The following FYB2 variants were observed in gnomAD, a reference collection of about 807,000 sequenced individuals.
FYB2 encodes the protein FYN-binding protein 2.
In FYB2, 103 loss-of-function variants were observed where a neutral mutation model predicts 94.1. That is an observed-to-expected ratio of 1.09 (90% CI 0.93 to 1.29). The LOEUF (loss-of-function observed/expected upper bound fraction) is 1.29, where lower values mean the gene tolerates loss of function less well. Among genes scored for constraint, FYB2 ranks in the 50% most tolerant of loss-of-function variants. The probability of loss-of-function intolerance (pLI) is 0.00; values close to 1 mark genes in which losing one functional copy is unlikely to be tolerated. For missense variants in FYB2, 896 were observed against 841.5 expected, an observed-to-expected ratio of 1.06 and a Z score of -0.80; for synonymous variants, 293 against 287.9, an observed-to-expected ratio of 1.02 and a Z score of -0.18.
chr1:56,792,627 G>A lies in FYB2; in HGVS notation c.186C>T (p.Arg62=), dbSNP rs149224198. Residue 62 remains arginine, a synonymous_variant, in exon 2 of 20, where the codon CGC becomes CGT. Transcript: ENST00000343433. ...ACTCACTACTGGAACAGTATGGTGT[G>A]CGCTGCTTGTGGTTGGATGAGAGGG... The part of the protein sequence containing the change: ...GKPLSSNHKQ[R]TPYCSSSESQ... The A allele has an allele frequency of 2.5e-6, 4 of 1,614,066 alleles. No individual in the cohort carries two copies. The highest frequency in any genetic ancestry group is 2.7e-5 in the African/African-American group (2 of 75,012).
chr1:56,765,014 C>A (rs1018400899), intron 5 of FYB2, among the ~76,000 whole-genome samples: 25 of 152,282 alleles, frequency 1.6e-4, no homozygotes, highest in African/African-American at 6.0e-4. Flanking sequence ...TCCTAAATAC[C>A]ATCGCATTGG....
intron 1 of FYB2, among the ~76,000 whole-genome samples, chr1:56,794,174 G>C (rs749394939): frequency 6.6e-6 from 1 of 152,170 alleles, no homozygotes; most frequent in Non-Finnish European, 1.5e-5. Flanking sequence ...TATGAAAATT[G>C]TGGTAGTAAT....
At chr1:56,741,401 A>G (rs1935555) in intron 12 of FYB2, among the ~76,000 whole-genome samples, 56,129 of 151,838 alleles carry the variant, frequency 0.37, 11,090 homozygotes, top group African/African-American at 0.52. Flanking sequence ...GAAAATCCTG[A>G]CTCTTGAAAT....
intron 4 of FYB2, among the ~76,000 whole-genome samples, chr1:56,775,000 T>C (rs1262606622): frequency 6.6e-6 from 1 of 152,118 alleles, no homozygotes; most frequent in Admixed American, 6.5e-5. Context: ...AAGGCTGCAC[T>C]GTCAGCCTTC....
chr1:56,792,516 C>T lies in FYB2; in HGVS notation c.297G>A (p.Lys99=). 3 of 1,614,212 alleles carry T rather than the reference C, an allele frequency of 1.9e-6. No homozygotes were observed. The highest frequency in any genetic ancestry group is 2.5e-6 in the Non-Finnish European group (3 of 1,180,020). The change falls in exon 2 of 20, where the codon AAG becomes AAA. Residue 99 remains lysine (K), a synonymous_variant. Transcript: ENST00000343433. ...AACTTGTTGCAGAACATACAGTAGA[C>T]TTTCCCAGAGGCCCTGGGGAGTTAG... is the stretch of plus-strand genomic sequence containing the variant. The part of the protein sequence containing the change: ...KCSNSPGPLG[K]STVCSATSSQ...
chr1:56,820,034 C>G (rs774490711), upstream of FYB2, among the ~76,000 whole-genome samples: 15 of 152,000 alleles, frequency 9.9e-5, no homozygotes, highest in South Asian at 2.9e-3. Context: ...TTGAGACCAG[C>G]GTGGCCAACA....
At chr1:56,818,508 G>T (rs986531126) in intron 1 of FYB2, among the ~76,000 whole-genome samples, 12 of 132,758 alleles carry the variant, frequency 9.0e-5, no homozygotes, top group African/African-American at 3.4e-4. Flanking sequence ...ACATGCACAC[G>T]CACATCAAAA....
At chr1:56,759,744 T>C (rs886077216) in intron 5 of FYB2, among the ~76,000 whole-genome samples, 1 of 152,082 alleles carries the variant, frequency 6.6e-6, no homozygotes, top group Non-Finnish European at 1.5e-5. Context: ...AATTGACCAA[T>C]TGGTACCTGC....
chr1:56,763,378 TGACTTA>T (rs1481717852), intron 5 of FYB2, among the ~76,000 whole-genome samples: 1 of 152,202 alleles, frequency 6.6e-6, no homozygotes, highest in Non-Finnish European at 1.5e-5. Flanking sequence ...GGAAATCACC[TGACTTA>T]GAGTTCATTT....
At chr1:56,742,111 G>T (rs1437224020) in intron 12 of FYB2, 50 bp downstream of exon 12, 32 of 1,526,036 alleles carry the variant, frequency 2.1e-5, no homozygotes, top group Non-Finnish European at 2.8e-5. Flanking sequence ...GGCTTTACTA[G>T]ACTAACAGGA....
intron 4 of FYB2, among the ~76,000 whole-genome samples, chr1:56,776,772 G>A (rs181145456): frequency 2.0e-5 from 3 of 152,194 alleles, no homozygotes; most frequent in East Asian, 3.9e-4. Flanking sequence ...TACAGCATTC[G>A]ACCTTGATAC....
chr1:56,727,262 T>G (rs2100510759), intron 15 of FYB2, among the ~76,000 whole-genome samples: 1 of 152,186 alleles, frequency 6.6e-6, no homozygotes, highest in African/African-American at 2.4e-5. Context: ...ATAATCATAG[T>G]GGTATGACCA....
chr1:56,819,060 A>G (rs1420294256), intron 1 of FYB2, among the ~76,000 whole-genome samples: 1 of 152,078 alleles, frequency 6.6e-6, no homozygotes, highest in African/African-American at 2.4e-5. Context: ...CTGTCCCCTC[A>G]CACTCCAGGT....
At chr1:56,780,649 TGA>T (rs1645987382) in intron 4 of FYB2, among the ~76,000 whole-genome samples, 1 of 152,094 alleles carries the variant, frequency 6.6e-6, no homozygotes, top group Non-Finnish European at 1.5e-5. Flanking sequence ...AGTTGTAAAA[TGA>T]GAGAGAGGAC....
chr1:56,720,729 A>C (rs1220956780), intron 17 of FYB2: 1 of 157,470 alleles, frequency 6.4e-6, no homozygotes, highest in African/African-American at 2.4e-5. Context: ...TATTAAGCCC[A>C]GCATGCATTA....
chr1:56,728,131 A>G (rs1331053602), intron 15 of FYB2, among the ~76,000 whole-genome samples: 2 of 152,100 alleles, frequency 1.3e-5, no homozygotes, highest in Admixed American at 6.6e-5. Context: ...TCCTGATCAT[A>G]TATGCCTTAT....
At position 56,807,099 on chromosome 1, in the gene FYB2, A is replaced by G. The variant is rs181091613; in HGVS notation, c.9+12183T>C. ...GCCTGCCAGGGAGCTGGAAAAACCG[A>G]CCACAGAGCGTCCTTATTTGAAAGG... On this transcript the variant is annotated intron_variant, in intron 1 of 19. Transcript: ENST00000343433. 9.2e-3 allele frequency among the ~76,000 whole-genome samples: 1,401 copies of G among 152,220 alleles called. 78 individuals are homozygous for G. The highest frequency in any genetic ancestry group is 0.087 in the Admixed American group (1,328 of 15,284).
intron 4 of FYB2, among the ~76,000 whole-genome samples, chr1:56,771,815 A>G (rs982624728): frequency 1.3e-5 from 2 of 152,180 alleles, no homozygotes; most frequent in African/African-American, 2.4e-5. Flanking sequence ...TTAGACAGTG[A>G]AAAAGTTGGA....
At chr1:56,795,986 G>A (rs1314044798) in intron 1 of FYB2, among the ~76,000 whole-genome samples, 1 of 152,180 alleles carries the variant, frequency 6.6e-6, no homozygotes, top group Non-Finnish European at 1.5e-5. Flanking sequence ...GGGCTCTGTT[G>A]TAATGTCAAC....
Sources: allele counts gnomAD v4.1 joint callset (sites outside exome capture counted in the v4.1 genomes callset), GRCh38; gene constraint gnomAD v4.1.1; transcripts MANE v1.5; gene names NCBI Gene and HGNC (gene_info 2026-07-23, HGNC 2026-07-21).